Variants in GFRA2 observed in about 807,000 individuals in gnomAD.
GFRA2 encodes GDNF family receptor alpha 2.
GFRA2 carries 17 observed loss-of-function variants against 48.3 expected under a neutral mutation model. That is an observed-to-expected ratio of 0.35 (90% confidence interval 0.24 to 0.53). The LOEUF (loss-of-function observed/expected upper bound fraction) is 0.53, where lower values mean the gene tolerates loss of function less well. GFRA2 is among the 20% of genes least tolerant of loss of function. The pLI, the probability that GFRA2 is intolerant of heterozygous loss-of-function variation, is 0.93. For missense variants in GFRA2, 660 were observed against 637.3 expected (o/e 1.04, Z -0.38); for synonymous variants, 305 against 257.2 (o/e 1.19, Z -1.78).
chr8:21,708,185 C>T (rs980470070), intron 4 of GFRA2, among the ~76,000 whole-genome samples: 2 of 152,224 alleles, frequency 1.3e-5, no homozygotes, highest in Non-Finnish European at 2.9e-5. Flanking sequence ...ATGTCTTCCA[C>T]AGGAAACGAG....
rs1231377325 is a variant in GFRA2, at chr8:21,692,149, C to T, written c.*1129G>A. 1.3e-5 allele frequency: 2 copies of T among 152,438 alleles called. No homozygotes were observed. Among genetic ancestry groups the T allele is most frequent in the African/African-American group, 2.4e-5 (1 of 41,388 alleles). The allele number at this position is 152,438 out of a possible 1,614,324, so 9.4% of individuals were successfully genotyped here. A position where few individuals can be genotyped will look rare whatever the true frequency, so the allele number is the denominator to read the frequency against. ...TGTCCTTTTTCCCCATTATAGACAACAGTATTAAAAAAAATAAACTTTACA... is the reference window on the plus strand; with the variant it reads ...TGTCCTTTTTCCCCATTATAGACAATAGTATTAAAAAAAATAAACTTTACA... On this transcript the variant is annotated 3_prime_UTR_variant, in exon 9 of 9. Transcript: ENST00000524240.
Position 21,714,246 on chromosome 8 carries a change from C to CTTTTTTTTTTTTT in GFRA2, c.795-8218_795-8206dup, listed in dbSNP as rs10674628. Among the ~76,000 whole-genome samples the CTTTTTTTTTTTTT allele has an allele frequency of 5.6e-4, 44 of 78,402 alleles. 8 individuals carry two copies. The highest frequency in any genetic ancestry group is 6.2e-4 in the Non-Finnish European group (28 of 44,854). The allele number at this position is 78,402 out of a possible 152,430, so 51.4% of individuals were successfully genotyped here. On this transcript the variant is annotated intron_variant, in intron 4 of 8. Coordinates refer to ENST00000524240, the MANE Select transcript of GFRA2 (RefSeq NM_001495.5). ...GATCAATACATACTGGTCTGAAGTT[C>CTTTTTTTTTTTTT]TTTTTTTTTTTTTTTTTTTTTTTGA...
intron 3 of GFRA2, among the ~76,000 whole-genome samples, chr8:21,770,359 A>T (rs1806384063): frequency 6.6e-6 from 1 of 152,238 alleles, no homozygotes; most frequent in Non-Finnish European, 1.5e-5. Context: ...ACTCACCTGC[A>T]CTATCTCATT....
intron 4 of GFRA2, among the ~76,000 whole-genome samples, chr8:21,734,314 C>A (rs562954417): frequency 6.6e-5 from 10 of 152,246 alleles, no homozygotes; most frequent in Non-Finnish European, 1.3e-4. Context: ...CAGGGCTCCA[C>A]ACGTATCCAA....
At chr8:21,797,180 A>T (rs6988908) in intron 2 of GFRA2, among the ~76,000 whole-genome samples, 81,380 of 151,976 alleles carry the variant, frequency 0.54, 23,511 homozygotes, top group African/African-American at 0.76. Flanking sequence ...CAATTTCTTA[A>T]AAATATCTCC....
At chr8:21,735,324 A>ACACATC (rs1804398831) in intron 4 of GFRA2, among the ~76,000 whole-genome samples, 1 of 152,064 alleles carries the variant, frequency 6.6e-6, no homozygotes, top group African/African-American at 2.4e-5. Context: ...TCTATATAGC[A>ACACATC]TACATCTATC....
At chr8:21,706,975 G>A (rs6986674) in intron 4 of GFRA2, among the ~76,000 whole-genome samples, 4,541 of 152,290 alleles carry the variant, frequency 0.03, 220 homozygotes, top group African/African-American at 0.1. Context: ...TGGGCTGGGG[G>A]AGGATGCTCC....
At chr8:21,803,088 G>A (rs1261924100) in intron 2 of GFRA2, among the ~76,000 whole-genome samples, 1 of 152,328 alleles carries the variant, frequency 6.6e-6, no homozygotes, top group Admixed American at 6.5e-5. Context: ...CACCGCAAAG[G>A]TTTATTTATT....
intron 4 of GFRA2, among the ~76,000 whole-genome samples, chr8:21,743,639 A>C (rs1030001376): frequency 6.6e-6 from 1 of 152,188 alleles, no homozygotes; most frequent in African/African-American, 2.4e-5. Context: ...TAGTGAAATT[A>C]ATAAAGAAAT....
rs1172571503 is a variant in GFRA2, at chr8:21,769,159, A to C, written c.439+5813T>G. ...GTGAGGACACAGGTCTGATTCTCTT[A>C]CAGCAGTGGTTGACCGTCTCCGGAA... On this transcript the variant is annotated intron_variant, in intron 3 of 8. Transcript: ENST00000524240. 23 of 984,254 alleles carry C rather than the reference A, an allele frequency of 2.3e-5. No individual in the cohort carries two copies. In the African/African-American group the frequency reaches 4.0e-4, roughly 17 times the overall value. The allele number at this position is 984,254 out of a possible 1,614,324, so 61.0% of individuals were successfully genotyped here.
Position 21,714,246 on chromosome 8 carries a change from C to CTTTTTTTTTTTTTTTT in GFRA2, c.795-8221_795-8206dup, listed in dbSNP as rs10674628. On this transcript the variant is annotated intron_variant, in intron 4 of 8. Transcript: ENST00000524240. ...GATCAATACATACTGGTCTGAAGTTCTTTTTTTTTTTTTTTTTTTTTTTGA... is the reference window on the plus strand; with the variant it reads ...GATCAATACATACTGGTCTGAAGTTCTTTTTTTTTTTTTTTTTTTTTTTTTTTTTTTTTTTTTTTGA... 1.9e-4 allele frequency among the ~76,000 whole-genome samples: 15 copies of CTTTTTTTTTTTTTTTT among 78,402 alleles called. 2 individuals are homozygous for CTTTTTTTTTTTTTTTT. Among genetic ancestry groups the CTTTTTTTTTTTTTTTT allele is most frequent in the East Asian group, 4.7e-4 (1 of 2,122 alleles). The allele number at this position is 78,402 out of a possible 152,430, so 51.4% of individuals were successfully genotyped here.
chr8:21,735,025 C>T (rs1308471555), intron 4 of GFRA2, among the ~76,000 whole-genome samples: 2 of 152,196 alleles, frequency 1.3e-5, no homozygotes, highest in Non-Finnish European at 2.9e-5. Context: ...GTCCCGCCTT[C>T]TGGACCAAAC....
chr8:21,704,989 GCA>G lies in GFRA2; in HGVS notation c.1039_1040del (p.Cys347ProfsTer40). The G allele has an allele frequency of 6.2e-7, 1 of 1,609,362 alleles. No homozygotes were observed. Among genetic ancestry groups the G allele is most frequent in the Non-Finnish European group, 8.5e-7 (1 of 1,178,080 alleles). The stretch of plus-strand genomic sequence containing the variant: ...GGGAGAACATCCAGAACTTACGGAG[GCA>G]TGGGTTCTCGGTGAAGTCCCTGAGG... ...KFLRDFTENP[C>X]LRNAIQAFGN... On this transcript the variant is annotated frameshift_variant, in exon 6 of 9. Coordinates refer to ENST00000524240, the MANE Select transcript of GFRA2 (RefSeq NM_001495.5). LOFTEE classifies it high-confidence loss of function.
chr8:21,741,146 G>A (rs1182992246), intron 4 of GFRA2, among the ~76,000 whole-genome samples: 1 of 152,074 alleles, frequency 6.6e-6, no homozygotes, highest in Non-Finnish European at 1.5e-5. Flanking sequence ...CTTTCCAACT[G>A]TACTCAGAAG....
chr8:21,726,938 G>A (rs752900790), intron 4 of GFRA2, among the ~76,000 whole-genome samples: 18 of 151,904 alleles, frequency 1.2e-4, no homozygotes, highest in Non-Finnish European at 2.5e-4. Context: ...TTATAGTAGA[G>A]ACTGCGTTTC....
chr8:21,782,041 G>A (rs1807018600), intron 2 of GFRA2, among the ~76,000 whole-genome samples: 1 of 152,108 alleles, frequency 6.6e-6, no homozygotes, highest in South Asian at 2.1e-4. Context: ...GAGCCAGAAG[G>A]ACAGAGTAGG....
chr8:21,706,358 G>A (rs1802748677), intron 4 of GFRA2: 1 of 503,094 alleles, frequency 2.0e-6, no homozygotes, highest in Non-Finnish European at 3.9e-6. Flanking sequence ...GGAGCCGGGT[G>A]GGTTTGTGGA....
intron 2 of GFRA2, among the ~76,000 whole-genome samples, chr8:21,778,555 C>A (rs1208080343): frequency 6.6e-6 from 1 of 152,324 alleles, no homozygotes; most frequent in South Asian, 2.1e-4. Context: ...AGGTGCTTAA[C>A]AAATGGTTGT....
Position 21,693,203 on chromosome 8 carries a change from G to A in GFRA2, c.*75C>T. The A allele has an allele frequency of 6.9e-7, 1 of 1,459,142 alleles. No homozygotes were observed. Among genetic ancestry groups the A allele is most frequent in the Non-Finnish European group, 9.3e-7 (1 of 1,071,122 alleles). 90.4% of individuals were successfully genotyped at this position (1,459,142 alleles called of 1,614,324 possible). A position where few individuals can be genotyped will look rare whatever the true frequency, so the allele number is the denominator to read the frequency against. On this transcript the variant is annotated 3_prime_UTR_variant, in exon 9 of 9. Transcript: ENST00000524240. ...TTTTGCAAGGTGTGTGTGTGTCTGT[G>A]TGTGTTTCCATTTCGTCAGGCGGCT...
Sources: allele counts gnomAD v4.1 joint callset (sites outside exome capture counted in the v4.1 genomes callset), GRCh38; gene constraint gnomAD v4.1.1; transcripts MANE v1.5; gene names NCBI Gene and HGNC (gene_info 2026-07-23, HGNC 2026-07-21).